The following SORCS1 variants were observed in gnomAD, a reference collection of about 807,000 sequenced individuals.
SORCS1 encodes the protein VPS10 domain-containing receptor SorCS1.
Under a neutral mutation model 146.1 loss-of-function variants are expected in SORCS1, and 60 were observed. The observed-to-expected ratio is 0.41, with a 90% confidence interval of 0.33 to 0.51. SORCS1 has a LOEUF of 0.51. SORCS1 is among the 20% of genes least tolerant of loss of function. SORCS1 has a pLI of 0.21. For missense variants in SORCS1, 1,352 were observed against 1,487.6 expected, an observed-to-expected ratio of 0.91 and a Z score of 1.50; for synonymous variants, 637 against 584.0, an observed-to-expected ratio of 1.09 and a Z score of -1.31.
chr10:106,829,760 T>C, intron 2 of SORCS1, 87 bp from the exon 3 acceptor site: 1 of 933,246 alleles, frequency 1.1e-6, no homozygotes, highest in Non-Finnish European at 1.7e-6. Flanking sequence ...CACAGTAGAA[T>C]GGCTCTCAGG....
chr10:107,143,657 C>A (rs979770164), intron 1 of SORCS1, among the ~76,000 whole-genome samples: 1 of 152,120 alleles, frequency 6.6e-6, no homozygotes. Flanking sequence ...GCACGCGCCA[C>A]CACACCAGGC....
At chr10:106,987,415 G>C (rs572828593) in intron 1 of SORCS1, among the ~76,000 whole-genome samples, 1 of 152,310 alleles carries the variant, frequency 6.6e-6, no homozygotes. Context: ...GAATCAGCAA[G>C]TATTTCACTC....
At chr10:107,108,477 A>G (rs935434062) in intron 1 of SORCS1, among the ~76,000 whole-genome samples, 4 of 152,240 alleles carry the variant, frequency 2.6e-5, no homozygotes, top group Admixed American at 2.6e-4. Context: ...ACACTTTTAA[A>G]TGACCAGATC....
intron 8 of SORCS1, among the ~76,000 whole-genome samples, chr10:106,703,752 T>C (rs559914058): frequency 1.3e-5 from 2 of 152,342 alleles, no homozygotes; most frequent in South Asian, 2.1e-4. Context: ...CCATGAAATA[T>C]ATGCACCTTT....
chr10:106,849,679 C>T (rs1006117372), intron 2 of SORCS1, among the ~76,000 whole-genome samples: 4 of 151,042 alleles, frequency 2.6e-5, no homozygotes, highest in African/African-American at 9.7e-5. Flanking sequence ...TTAGAGTTTC[C>T]AGTTTTTCTG....
intron 1 of SORCS1, among the ~76,000 whole-genome samples, chr10:107,029,155 T>A (rs189093340): frequency 3.5e-4 from 53 of 152,324 alleles, no homozygotes; most frequent in Middle Eastern, 3.4e-3. Flanking sequence ...GGAATGTCAA[T>A]CAATAGTTAT....
intron 1 of SORCS1, among the ~76,000 whole-genome samples, chr10:107,113,977 T>C (rs1173238322): frequency 6.6e-6 from 1 of 151,908 alleles, no homozygotes; most frequent in African/African-American, 2.4e-5. Context: ...AAACTGGTAA[T>C]ACAAAAATAC....
intron 1 of SORCS1, among the ~76,000 whole-genome samples, chr10:106,969,265 A>T (rs1955652568): frequency 1.3e-5 from 2 of 152,138 alleles, no homozygotes; most frequent in African/African-American, 2.4e-5. Flanking sequence ...GCATTTTGTT[A>T]CTCTTTTAAA....
At chr10:106,673,333 A>G (rs913067332) in intron 14 of SORCS1, among the ~76,000 whole-genome samples, 5 of 151,976 alleles carry the variant, frequency 3.3e-5, no homozygotes, top group African/African-American at 9.7e-5. Context: ...GGGTTCCACC[A>G]TGTTGGCCAG....
At chr10:106,635,215 TC>T (rs1433975428) in intron 18 of SORCS1, among the ~76,000 whole-genome samples, 1 of 152,118 alleles carries the variant, frequency 6.6e-6, no homozygotes, top group Non-Finnish European at 1.5e-5. Context: ...ACAGCCTCAG[TC>T]CAGAAGTGAG....
intron 1 of SORCS1, among the ~76,000 whole-genome samples, chr10:107,028,094 G>T (rs1958487471): frequency 6.6e-6 from 1 of 152,216 alleles, no homozygotes; most frequent in East Asian, 1.9e-4. Context: ...TATCGCTCAT[G>T]AATTGAATTA....
At chr10:106,967,488 T>G (rs1955551892) in intron 1 of SORCS1, among the ~76,000 whole-genome samples, 1 of 152,122 alleles carries the variant, frequency 6.6e-6, no homozygotes, top group Admixed American at 6.5e-5. Context: ...AAATGCATAT[T>G]CAAGACAAGA....
intron 2 of SORCS1, among the ~76,000 whole-genome samples, chr10:106,926,879 AGAG>A (rs1564818696): frequency 5.7e-5 from 8 of 141,040 alleles, no homozygotes; most frequent in Admixed American, 1.4e-4. Context: ...AGAGAGAGAG[AGAG>A]AGAGAGAGAG....
rs141789814 is a variant in SORCS1, at chr10:106,910,283, TTGTG to T, written c.626+46226_626+46229del. Among the ~76,000 whole-genome samples the T allele has an allele frequency of 9.6e-4, 141 of 146,126 alleles. 2 individuals carry two copies. The highest frequency in any genetic ancestry group is 7.0e-3 in the Middle Eastern group (2 of 286). On this transcript the variant is annotated intron_variant, in intron 2 of 25. Transcript: ENST00000263054. ...AATTCTATGCCTCCGTCTCTTTACA[TTGTG>T]TGTGTGTGTGTGTGTGTGTGTGTGT...
At chr10:106,679,821 C>A (rs1214534526) in intron 10 of SORCS1, 87 bp from the exon 11 acceptor site, 3 of 1,033,322 alleles carry the variant, frequency 2.9e-6, no homozygotes, top group South Asian at 1.4e-5. Flanking sequence ...TCCATCTAAC[C>A]AACCATCCCA....
intron 16 of SORCS1, among the ~76,000 whole-genome samples, chr10:106,669,823 T>A (rs1200769292): frequency 6.6e-6 from 1 of 152,204 alleles, no homozygotes; most frequent in Admixed American, 6.5e-5. Context: ...AGCTGTGGGT[T>A]ACTGGTCTGA....
chr10:106,624,334 T>C (rs1030057072), intron 19 of SORCS1, among the ~76,000 whole-genome samples: 21 of 148,028 alleles, frequency 1.4e-4, no homozygotes, highest in Non-Finnish European at 2.4e-4. Context: ...AATCACGTTT[T>C]GGTCAATGAC....
rs773861818 is a variant in SORCS1 at position 106,607,247 on chromosome 10, T to C, written c.3084A>G (p.Leu1028=). 1 of 1,614,046 alleles carries C rather than the reference T, an allele frequency of 6.2e-7. No homozygotes were observed. Among genetic ancestry groups the C allele is most frequent in the East Asian group, 2.2e-5 (1 of 44,858 alleles). The change falls in exon 23 of 26, where the codon TTA becomes TTG. Residue 1028 remains leucine (L), a synonymous_variant. Transcript: ENST00000263054. The part of the protein sequence containing the change: ...QHILVAVLPG[L]PTTAELFVLP... The stretch of plus-strand genomic sequence containing the variant: ...GGACAAAGAGTTCAGCAGTGGTGGG[T>C]AAGCCAGGGAGCACCGCCACCAGGA...
At chr10:106,989,521 C>A (rs1056897390) in intron 1 of SORCS1, among the ~76,000 whole-genome samples, 1 of 151,974 alleles carries the variant, frequency 6.6e-6, no homozygotes, top group Non-Finnish European at 1.5e-5. Flanking sequence ...GTTTTCCCAG[C>A]AGTCTTTCTA....
Sources: gnomAD v4.1 joint callset for allele counts (sites outside exome capture counted in the v4.1 genomes callset) on GRCh38, gnomAD v4.1.1 for gene constraint, MANE v1.5 for transcripts, NCBI Gene and HGNC (gene_info 2026-07-23, HGNC 2026-07-21) for gene names.